ADAMTS19: variants seen among roughly 807,000 people sequenced by gnomAD.
The protein encoded by ADAMTS19 is ADAM metallopeptidase with thrombospondin type 1 motif 19.
A neutral mutation model predicts 153.3 loss-of-function variants in ADAMTS19; 93 were observed. The observed-to-expected ratio is 0.61, with a 90% CI of 0.51 to 0.72. The LOEUF (loss-of-function observed/expected upper bound fraction) is 0.72. Ranked by LOEUF, ADAMTS19 falls within the 30% of genes least tolerant of loss-of-function variation. The pLI, the probability that ADAMTS19 is intolerant of heterozygous loss-of-function variation, is 0.00. For synonymous variants in ADAMTS19, 600 were observed against 556.6 expected (o/e 1.08, Z -1.10); for missense variants, 1,482 against 1,552.1 (o/e 0.95, Z 0.76).
At chr5:129,722,521 A>C (rs913504621) in intron 21 of ADAMTS19, among the ~76,000 whole-genome samples, 1 of 152,138 alleles carries the variant, frequency 6.6e-6, no homozygotes, top group African/African-American at 2.4e-5. Flanking sequence ...GTAGATTGCA[A>C]AAATTTTCTC....
intron 2 of ADAMTS19, among the ~76,000 whole-genome samples, chr5:129,497,702 A>G (rs1750971157): frequency 6.6e-6 from 1 of 152,022 alleles, no homozygotes; most frequent in Non-Finnish European, 1.5e-5. Flanking sequence ...CCAATATCAC[A>G]CCATTAATGC....
chr5:129,656,696 T>C (rs567001231), intron 14 of ADAMTS19, among the ~76,000 whole-genome samples: 54 of 152,340 alleles, frequency 3.5e-4, no homozygotes, highest in Non-Finnish European at 6.5e-4. Flanking sequence ...AATTATAAAA[T>C]ACAAAATATT....
chr5:129,635,713 A>C (rs968184770), intron 10 of ADAMTS19, among the ~76,000 whole-genome samples: 1 of 152,260 alleles, frequency 6.6e-6, no homozygotes, highest in Admixed American at 6.5e-5. Context: ...ACAGAGGGGA[A>C]CAACACACAT....
chr5:129,677,214 G>A (rs749810090), intron 16 of ADAMTS19, among the ~76,000 whole-genome samples: 2 of 152,118 alleles, frequency 1.3e-5, no homozygotes, highest in Non-Finnish European at 2.9e-5. Context: ...AGTGGCTTAC[G>A]CCTGTAATCA....
At position 129,704,363 on chromosome 5, in the gene ADAMTS19, A is replaced by T. The variant is rs11749126; in HGVS notation, c.3284A>T (p.Tyr1095Phe). Reference sequence around the variant, plus strand: ...GACTGTGAGGATTATTCAAAATGCTATGTGTGGCGAATGGGTGACTGGTCT... The same window carrying T: ...GACTGTGAGGATTATTCAAAATGCTTTGTGTGGCGAATGGGTGACTGGTCT... The part of the protein sequence containing the change: ...AEDCEDYSKC[Y>F]VWRMGDWSKC... The change falls in exon 21 of 23, where the codon TAT becomes TTT. Residue 1095 changes from tyrosine (Y) to phenylalanine (F), a missense_variant. By Grantham distance (22) the Tyr-to-Phe change is conservative. Around this residue, in one of 2 missense-constraint regions of ADAMTS19, gnomAD observed 616 missense variants for 724.4 expected, o/e 0.85. Coordinates refer to ENST00000274487, the MANE Select transcript of ADAMTS19 (RefSeq NM_133638.6). 274,851 of 1,613,802 alleles carry T rather than the reference A, an allele frequency of 0.17. 26,117 individuals carry two copies. Among genetic ancestry groups the T allele is most frequent in the Non-Finnish European group, 0.2 (233,424 of 1,179,792 alleles).
intron 15 of ADAMTS19, among the ~76,000 whole-genome samples, chr5:129,661,002 A>C (rs1160202803): frequency 6.6e-6 from 1 of 152,182 alleles, no homozygotes; most frequent in Non-Finnish European, 1.5e-5. Context: ...TGGAATTTCC[A>C]AATGTGTATC....
chr5:129,544,882 A>C (rs1299064510), intron 6 of ADAMTS19, among the ~76,000 whole-genome samples: 1 of 152,154 alleles, frequency 6.6e-6, no homozygotes, highest in Non-Finnish European at 1.5e-5. Context: ...GGTTAGGACA[A>C]AAATGCTTCC....
At chr5:129,552,299 C>G (rs1030543838) in intron 7 of ADAMTS19, among the ~76,000 whole-genome samples, 2 of 151,816 alleles carry the variant, frequency 1.3e-5, no homozygotes, top group African/African-American at 4.8e-5. Flanking sequence ...CCTTCGCAGA[C>G]TGTGTCGAAA....
chr5:129,616,848 G>A (rs549822672), intron 8 of ADAMTS19, among the ~76,000 whole-genome samples: 2 of 152,152 alleles, frequency 1.3e-5, no homozygotes, highest in African/African-American at 4.8e-5. Context: ...AAAGAACAGA[G>A]GCATTTAAAA....
At chr5:129,535,650 G>T (rs1190066065) in intron 6 of ADAMTS19, among the ~76,000 whole-genome samples, 1 of 152,172 alleles carries the variant, frequency 6.6e-6, no homozygotes, top group Non-Finnish European at 1.5e-5. Flanking sequence ...CACGCTAGCT[G>T]ACTTCAAACT....
chr5:129,681,029 C>T (rs1373384738), intron 17 of ADAMTS19, among the ~76,000 whole-genome samples: 11 of 152,168 alleles, frequency 7.2e-5, no homozygotes, highest in South Asian at 2.1e-4. Context: ...CTCTAAAACA[C>T]GATCAATTAA....
chr5:129,502,454 G>A (rs1443488570), intron 2 of ADAMTS19, among the ~76,000 whole-genome samples: 2 of 152,154 alleles, frequency 1.3e-5, no homozygotes, highest in African/African-American at 2.4e-5. Flanking sequence ...GGCAAGCCAC[G>A]CAATATTTCT....
chr5:129,460,762 C>CT (rs1436101724), intron 1 of ADAMTS19: 1 of 561,988 alleles, frequency 1.8e-6, no homozygotes, highest in Admixed American at 3.1e-5. Context: ...TAGAACGTAC[C>CT]TAAGTTGATA....
At chr5:129,645,240 C>A (rs948394084) in intron 11 of ADAMTS19, among the ~76,000 whole-genome samples, 1 of 152,146 alleles carries the variant, frequency 6.6e-6, no homozygotes, top group Non-Finnish European at 1.5e-5. Flanking sequence ...TACATAACTT[C>A]TTTTTTGAGG....
intron 22 of ADAMTS19, 87 bp downstream of exon 22, chr5:129,735,196 TAG>T: frequency 7.8e-7 from 1 of 1,275,968 alleles, no homozygotes; most frequent in Non-Finnish European, 1.0e-6. Flanking sequence ...TAAACCTTGA[TAG>T]TTGTAAATCT....
intron 6 of ADAMTS19, among the ~76,000 whole-genome samples, chr5:129,539,216 T>C (rs1037486466): frequency 1.3e-5 from 2 of 152,192 alleles, no homozygotes; most frequent in Middle Eastern, 3.4e-3. Flanking sequence ...GATCTTGAGA[T>C]GGGCAGATTA....
At chr5:129,528,796 G>A in intron 6 of ADAMTS19, 119 bp downstream of exon 6, 1 of 792,822 alleles carries the variant, frequency 1.3e-6, no homozygotes, top group South Asian at 2.6e-5. Flanking sequence ...GAGTGATTTT[G>A]GCATAATGAT....
intron 8 of ADAMTS19, among the ~76,000 whole-genome samples, chr5:129,605,859 A>T (rs1036634789): frequency 6.6e-6 from 1 of 152,098 alleles, no homozygotes; most frequent in African/African-American, 2.4e-5. Flanking sequence ...CTTCCTAGAG[A>T]TGTTGAGTTG....
chr5:129,703,890 T>A (rs190029845), intron 20 of ADAMTS19, among the ~76,000 whole-genome samples: 2,719 of 152,214 alleles, frequency 0.018, 38 homozygotes, highest in Middle Eastern at 0.037. Flanking sequence ...GTAAAATGAA[T>A]TTTTTTACAT....
Sources: gnomAD v4.1 joint callset for allele counts (sites outside exome capture counted in the v4.1 genomes callset) on GRCh38, gnomAD v4.1.1 for gene constraint, gnomAD v4.1.1 regional missense constraint, MANE v1.5 for transcripts, NCBI Gene and HGNC (gene_info 2026-07-23, HGNC 2026-07-21) for gene names.